Variants in TK2 observed in about 807,000 individuals in gnomAD.
TK2 encodes the protein thymidine kinase 2, also known as thymidine kinase 2, mitochondrial.
A neutral mutation model predicts 41.9 loss-of-function variants in TK2; 35 were observed. The ratio of observed to expected loss-of-function variants is 0.84; its 90% confidence interval spans 0.64 to 1.11. The LOEUF is 1.11. TK2 is among the 50% of genes least tolerant of loss of function. The pLI is 0.00. For missense variants in TK2, 320 were observed against 351.1 expected, an observed-to-expected ratio of 0.91 and a Z score of 0.71; for synonymous variants, 128 against 129.1, an observed-to-expected ratio of 0.99 and a Z score of 0.06.
intron 2 of TK2, among the ~76,000 whole-genome samples, chr16:66,546,805 G>A (rs1481734318): frequency 6.7e-6 from 1 of 149,524 alleles, no homozygotes; most frequent in Non-Finnish European, 1.5e-5. Context: ...ACGATGGAGT[G>A]CAGCAATGCA....
In TK2 at chr16:66,514,425, A is replaced by C. The variant is rs1456095383; in HGVS notation, c.619-614T>G. Among the ~76,000 whole-genome samples the C allele has an allele frequency of 6.6e-6, 1 of 152,104 alleles. No individual in the cohort carries two copies. Among genetic ancestry groups the C allele is most frequent in the Non-Finnish European group, 1.5e-5 (1 of 68,004 alleles). Reference sequence around the variant, plus strand: ...CGGAGTCTGGTTCACTCAGTGCTCAATGTTGCCCAGGCTGGAGTGCAGTGG... The same window carrying C: ...CGGAGTCTGGTTCACTCAGTGCTCACTGTTGCCCAGGCTGGAGTGCAGTGG... On this transcript the variant is annotated intron_variant, in intron 8 of 9. Coordinates refer to ENST00000544898, the MANE Select transcript of TK2 (RefSeq NM_004614.5). This position sits in a 1 kb window ranked among gnomAD's most constrained non-coding sequence, Gnocchi z 4.2.
intron 6 of TK2, among the ~76,000 whole-genome samples, chr16:66,520,774 T>G (rs1223161246): frequency 6.6e-6 from 1 of 152,242 alleles, no homozygotes; most frequent in South Asian, 2.1e-4. Flanking sequence ...CAGGCTACCC[T>G]GAGTTGGGTT....
chr16:66,533,637 G>T (rs1965187077), intron 4 of TK2, among the ~76,000 whole-genome samples: 1 of 152,102 alleles, frequency 6.6e-6, no homozygotes, highest in South Asian at 2.1e-4. Flanking sequence ...ACTTTGGTTT[G>T]AATGAATCCC....
chr16:66,535,867 G>T (rs1213979528), intron 4 of TK2, among the ~76,000 whole-genome samples: 1 of 152,208 alleles, frequency 6.6e-6, no homozygotes, highest in East Asian at 1.9e-4. Flanking sequence ...GTAGAACTCA[G>T]AGTCTAATGA....
intron 6 of TK2, among the ~76,000 whole-genome samples, chr16:66,526,873 G>C: frequency 6.6e-6 from 1 of 152,242 alleles, no homozygotes; most frequent in East Asian, 1.9e-4. Flanking sequence ...CCACTGCCAA[G>C]ATCTGTTCCT....
intron 8 of TK2, among the ~76,000 whole-genome samples, chr16:66,516,293 T>C (rs947331371): frequency 5.3e-5 from 8 of 152,164 alleles, no homozygotes; most frequent in Non-Finnish European, 1.0e-4. Flanking sequence ...CAAAGGCACA[T>C]TTGCATAACT....
intron 8 of TK2, 102 bp from the exon 9 acceptor site, chr16:66,513,913 AG>A: frequency 3.0e-6 from 3 of 1,003,144 alleles, no homozygotes; most frequent in Non-Finnish European, 4.7e-6. Flanking sequence ...GACCATGGGC[AG>A]TGACTCAGAC....
chr16:66,514,172 C>T lies in TK2; in HGVS notation c.619-361G>A, dbSNP rs896812712. Among the ~76,000 whole-genome samples, 1 of 152,008 alleles carries T rather than the reference C, an allele frequency of 6.6e-6. No homozygotes were observed. The highest frequency in any genetic ancestry group is 1.5e-5 in the Non-Finnish European group (1 of 67,982). On this transcript the variant is annotated intron_variant, in intron 8 of 9. Transcript: ENST00000544898. The surrounding 1 kb of genome is among the most constrained non-coding windows in gnomAD (Gnocchi z 4.2). ...GCACGGTTTCCCTCTGATGCCCAGC[C>T]GAGGCTGGACTGTACTGCCGCCAAC...
chr16:66,542,550 G>C (rs1965488165), intron 2 of TK2, among the ~76,000 whole-genome samples: 2 of 152,104 alleles, frequency 1.3e-5, no homozygotes, highest in African/African-American at 4.8e-5. Flanking sequence ...ATTTTTCACA[G>C]AAAACAAAAA....
intron 2 of TK2, among the ~76,000 whole-genome samples, chr16:66,543,780 T>A (rs1418207228): frequency 6.6e-6 from 1 of 152,058 alleles, no homozygotes; most frequent in African/African-American, 2.4e-5. Flanking sequence ...CCCCAGCAAC[T>A]AGAACTCTGT....
chr16:66,531,495 T>C (rs765282568), intron 4 of TK2, 26 bp from the exon 5 acceptor site: 2 of 1,611,254 alleles, frequency 1.2e-6, no homozygotes, highest in East Asian at 2.2e-5. Flanking sequence ...CACAGCACTT[T>C]CCATCAAAGT....
In TK2 at chr16:66,515,364, A is replaced by T. The variant is rs994211362; in HGVS notation, c.619-1553T>A. On this transcript the variant is annotated intron_variant, in intron 8 of 9. Coordinates refer to ENST00000544898, the MANE Select transcript of TK2 (RefSeq NM_004614.5). The stretch of plus-strand genomic sequence containing the variant: ...ACCCCCTCAACAACTCGTAACCTAT[A>T]GACCCTCCAGACTATAAAGACCACC... Among the ~76,000 whole-genome samples, 10 of 152,238 alleles carry T rather than the reference A, an allele frequency of 6.6e-5. No individual in the cohort carries two copies. The South Asian group carries it at 2.1e-3, about 32-fold the overall frequency.
At chr16:66,550,254 A>C, upstream of TK2, 1 of 1,600,766 alleles carries the variant, frequency 6.2e-7, no homozygotes, top group Non-Finnish European at 8.5e-7. Context: ...AAGCCTTACC[A>C]CTGCTAGGAC....
intron 6 of TK2, among the ~76,000 whole-genome samples, chr16:66,523,486 T>C (rs1183575005): frequency 6.6e-6 from 1 of 152,168 alleles, no homozygotes; most frequent in African/African-American, 2.4e-5. Context: ...TTTGCATAGG[T>C]AGTGACAATG....
chr16:66,525,846 A>G (rs192338309), intron 6 of TK2, among the ~76,000 whole-genome samples: 148 of 152,362 alleles, frequency 9.7e-4, no homozygotes, highest in Middle Eastern at 3.4e-3. Context: ...TCCTAACCAC[A>G]GAGGCCATGC....
At position 66,511,924 on chromosome 16, in the gene TK2, A is replaced by G. The variant is rs1245655338; in HGVS notation, c.*44T>C. The G allele has an allele frequency of 1.6e-5, 25 of 1,582,084 alleles. No individual in the cohort carries two copies. The highest frequency in any genetic ancestry group is 2.1e-5 in the Non-Finnish European group (24 of 1,151,058). On this transcript the variant is annotated 3_prime_UTR_variant, in exon 10 of 10. Transcript: ENST00000544898. Reference sequence around the variant, plus strand: ...GATTGCTCCCAATAGCTAACTTGGCAGCAGCAGGCATTTTTCAGACATGAG... The same window carrying G: ...GATTGCTCCCAATAGCTAACTTGGCGGCAGCAGGCATTTTTCAGACATGAG...
Position 66,517,595 on chromosome 16 carries a change from G to C in TK2, c.538+194C>G, listed in dbSNP as rs1964652699. On this transcript the variant is annotated intron_variant, in intron 7 of 9. Transcript: ENST00000544898. The surrounding 1 kb of genome is among the most constrained non-coding windows in gnomAD (Gnocchi z 4.3). ...AGGGAAGTTTAAAGAACAAAGGCCA[G>C]GGTTCTTCTCCATGAGAGACCAGAA... Among the ~76,000 whole-genome samples the C allele has an allele frequency of 6.6e-6, 1 of 152,204 alleles. No homozygotes were observed. Among genetic ancestry groups the C allele is most frequent in the Admixed American group, 6.5e-5 (1 of 15,278 alleles).
chr16:66,549,465 A>G (rs1965714314), intron 1 of TK2: 3 of 1,042,630 alleles, frequency 2.9e-6, no homozygotes, highest in Non-Finnish European at 3.5e-6. Context: ...CAACAGCCAT[A>G]TGGCGGACAC....
Position 66,517,184 on chromosome 16 carries a change from G to C in TK2, c.570C>G (p.Tyr190Ter). 6.2e-7 allele frequency: 1 copy of C among 1,614,144 alleles called. No homozygotes were observed. Among genetic ancestry groups the C allele is most frequent in the Non-Finnish European group, 8.5e-7 (1 of 1,180,024 alleles). ...VYLRTNPETC[Y>*]QRLKKRCREE... ...CCCTGCATCTCTTCTTTAACCTCTG[G>C]TAACAAGTCTCAGGATTGGTCCGAA... The change falls in exon 8 of 10, where the codon TAC (tyrosine) becomes TAG (stop). Residue 190 changes from tyrosine to a stop codon, truncating the protein, a stop_gained. Transcript: ENST00000544898. LOFTEE classifies it high-confidence loss of function. This position sits in a 1 kb window ranked among gnomAD's most constrained non-coding sequence, Gnocchi z 4.3.
Sources: allele counts gnomAD v4.1 joint callset (sites outside exome capture counted in the v4.1 genomes callset), GRCh38; gene constraint gnomAD v4.1.1; non-coding constraint Gnocchi (gnomAD v3.1); transcripts MANE v1.5; gene names NCBI Gene and HGNC (gene_info 2026-07-23, HGNC 2026-07-21).